Variants in SEC63 observed in about 807,000 individuals in gnomAD.
SEC63 encodes translocation protein SEC63 homolog.
In SEC63, 56 loss-of-function variants were observed where a neutral mutation model predicts 116.2. The ratio of observed to expected loss-of-function variants is 0.48; its 90% CI spans 0.39 to 0.60. SEC63 has a LOEUF of 0.60. Ranked by LOEUF, SEC63 falls within the 20% of genes least tolerant of loss-of-function variation. The pLI, the probability that SEC63 is intolerant of heterozygous loss-of-function variation, is 0.00. For synonymous variants in SEC63, 273 were observed against 294.6 expected, an observed-to-expected ratio of 0.93 and a Z score of 0.75; for missense variants, 668 against 900.0, an observed-to-expected ratio of 0.74 and a Z score of 3.30.
chr6:107,887,540 T>C (rs955096299), intron 16 of SEC63, among the ~76,000 whole-genome samples: 13 of 149,368 alleles, frequency 8.7e-5, no homozygotes, highest in South Asian at 4.3e-4. Flanking sequence ...TAGGTGGGAA[T>C]TGAACAATGA....
At chr6:107,956,433 T>C (rs6938368) in intron 1 of SEC63, among the ~76,000 whole-genome samples, 148,797 of 152,326 alleles carry the variant, frequency 0.98, 72,713 homozygotes, top group African/African-American at 0.99. Flanking sequence ...TTATACACAA[T>C]CACTGCCCAA....
intron 1 of SEC63, among the ~76,000 whole-genome samples, chr6:107,942,734 C>A (rs2744214): frequency 0.98 from 148,755 of 152,296 alleles, 72,689 homozygotes; most frequent in African/African-American, 0.99. Context: ...GGATAACATA[C>A]ACAGTTGATT....
intron 16 of SEC63, among the ~76,000 whole-genome samples, chr6:107,891,866 G>T (rs1479189214): frequency 6.6e-6 from 1 of 152,214 alleles, no homozygotes; most frequent in Non-Finnish European, 1.5e-5. Flanking sequence ...GACCCTCTTT[G>T]CCTGGGTATC....
At chr6:107,925,427 C>G (rs751195928) in intron 2 of SEC63, among the ~76,000 whole-genome samples, 1 of 152,030 alleles carries the variant, frequency 6.6e-6, no homozygotes, top group Non-Finnish European at 1.5e-5. Context: ...ATTAAATAAA[C>G]TATTTACAAA....
chr6:107,888,134 T>G (rs1223432410), intron 16 of SEC63, among the ~76,000 whole-genome samples: 1 of 152,224 alleles, frequency 6.6e-6, no homozygotes, highest in African/African-American at 2.4e-5. Flanking sequence ...GTGAAGAAAG[T>G]CAATGGTAGC....
At position 107,870,210 on chromosome 6, in the gene SEC63, T is replaced by G. The variant is rs1383904919; in HGVS notation, c.*1494A>C. The G allele has an allele frequency of 6.5e-6, 1 of 152,922 alleles. No individual in the cohort carries two copies. Among genetic ancestry groups the G allele is most frequent in the Non-Finnish European group, 1.5e-5 (1 of 68,026 alleles). The allele number at this position is 152,922 out of a possible 1,614,324, so 9.5% of individuals were successfully genotyped here. A position where few individuals can be genotyped will look rare whatever the true frequency, so the allele number is the denominator to read the frequency against. On this transcript the variant is annotated 3_prime_UTR_variant, in exon 21 of 21. Transcript: ENST00000369002. The stretch of plus-strand genomic sequence containing the variant: ...CTGCCTCCTGCCTGCCAAGAAAGGC[T>G]CTCACTAAACTGGTGATTGAGGTTA...
intron 1 of SEC63, among the ~76,000 whole-genome samples, chr6:107,948,986 A>G (rs548619484): frequency 5.9e-5 from 9 of 152,206 alleles, no homozygotes; most frequent in Non-Finnish European, 1.3e-4. Context: ...GGTTCGCCCC[A>G]TGTTCACATT....
chr6:107,880,941 A>C, intron 18 of SEC63: 1 of 507,640 alleles, frequency 2.0e-6, no homozygotes, highest in South Asian at 2.3e-5. Context: ...AGAAATACTT[A>C]AGAAGCTAAC....
chr6:107,897,395 T>C (rs1408946019), intron 14 of SEC63, among the ~76,000 whole-genome samples: 1 of 152,236 alleles, frequency 6.6e-6, no homozygotes, highest in Non-Finnish European at 1.5e-5. Context: ...GCTCAAGAAC[T>C]ATATCCACAT....
intron 16 of SEC63, among the ~76,000 whole-genome samples, chr6:107,892,237 G>GA (rs1200306568): frequency 6.6e-6 from 1 of 152,118 alleles, no homozygotes; most frequent in Admixed American, 6.6e-5. Flanking sequence ...TTTTTTCAGA[G>GA]ATGCCCTGCC....
chr6:107,867,952 C>A lies in SEC63; in HGVS notation c.*3752G>T, dbSNP rs974074062. On this transcript the variant is annotated 3_prime_UTR_variant, in exon 21 of 21. Coordinates refer to ENST00000369002, the MANE Select transcript of SEC63 (RefSeq NM_007214.5). ...ATACACCCCCACCTGAAACAATAGC[C>A]CTAAAGTATGTCAATGATTGTTATT... The A allele has an allele frequency of 4.6e-5, 7 of 152,028 alleles. No homozygotes were observed. The highest frequency in any genetic ancestry group is 1.7e-4 in the African/African-American group (7 of 41,388). The allele number at this position is 152,028 out of a possible 1,614,324, so 9.4% of individuals were successfully genotyped here. A position where few individuals can be genotyped will look rare whatever the true frequency, so the allele number is the denominator to read the frequency against.
At chr6:107,912,128 T>C (rs1348428068) in intron 6 of SEC63, among the ~76,000 whole-genome samples, 1 of 152,196 alleles carries the variant, frequency 6.6e-6, no homozygotes, top group Non-Finnish European at 1.5e-5. Flanking sequence ...TTTTATTGCC[T>C]CAAAGACAGC....
At chr6:107,891,147 T>C (rs1248982946) in intron 16 of SEC63, among the ~76,000 whole-genome samples, 1 of 152,204 alleles carries the variant, frequency 6.6e-6, no homozygotes, top group Non-Finnish European at 1.5e-5. Context: ...CTGGATAATG[T>C]CCTGAAGAGT....
chr6:107,951,558 TC>T (rs1298168323), intron 1 of SEC63, among the ~76,000 whole-genome samples: 1 of 152,158 alleles, frequency 6.6e-6, no homozygotes, highest in Non-Finnish European at 1.5e-5. Flanking sequence ...GAAGCTCTCC[TC>T]CAAGCAGCAC....
chr6:107,878,220 G>A (rs2114398546), intron 18 of SEC63, among the ~76,000 whole-genome samples: 1 of 152,322 alleles, frequency 6.6e-6, no homozygotes, highest in South Asian at 2.1e-4. Flanking sequence ...AGAAACCTGG[G>A]TTATTTCACT....
rs1359515686 is a variant in SEC63 at position 107,942,868 on chromosome 6, TTA to T, written c.125-13356_125-13355del. On this transcript the variant is annotated intron_variant, in intron 1 of 20. Coordinates refer to ENST00000369002, the MANE Select transcript of SEC63 (RefSeq NM_007214.5). Reference sequence around the variant, plus strand: ...CAGTACTGTTATTAATACCTTAAGTTTATGTCACCTGTTTACAAGTTGCAGAC... The same window carrying T: ...CAGTACTGTTATTAATACCTTAAGTTTGTCACCTGTTTACAAGTTGCAGAC... Among the ~76,000 whole-genome samples, 36 of 152,290 alleles carry T rather than the reference TTA, an allele frequency of 2.4e-4. No individual in the cohort carries two copies. In the South Asian group the frequency reaches 7.3e-3, roughly 31 times the overall value.
intron 4 of SEC63, among the ~76,000 whole-genome samples, chr6:107,920,116 T>C (rs1787519403): frequency 1.3e-5 from 2 of 151,996 alleles, no homozygotes; most frequent in Non-Finnish European, 2.9e-5. Flanking sequence ...TTAAGGTATG[T>C]ACATTGTTTT....
At position 107,929,475 on chromosome 6, in the gene SEC63, C is replaced by T. The variant is rs749233203; in HGVS notation, c.164G>A (p.Arg55Lys). 8.7e-6 allele frequency: 14 copies of T among 1,600,098 alleles called. No homozygotes were observed. The East Asian group carries it at 2.9e-4, about 33-fold the overall frequency. ...RLKNIRKVYG[R>K]CMWYRLRLLK... is the part of the protein sequence containing the mutation. ...TAACCGTAAACGATACCACATACAC[C>T]TTCCATATACTTTTCTGATATTCTT... The change falls in exon 2 of 21, where the codon AGG becomes AAG. Residue 55 changes from arginine (R) to lysine (K), a missense_variant. By Grantham distance (26) the Arg-to-Lys change is conservative (BLOSUM62 2). Transcript: ENST00000369002.
At chr6:107,900,769 C>A (rs976214128) in intron 13 of SEC63, among the ~76,000 whole-genome samples, 10 of 152,202 alleles carry the variant, frequency 6.6e-5, no homozygotes, top group African/African-American at 2.4e-4. Context: ...GCTCAGACCA[C>A]CACCACAATG....
Sources: allele counts gnomAD v4.1 joint callset (sites outside exome capture counted in the v4.1 genomes callset), GRCh38; gene constraint gnomAD v4.1.1; transcripts MANE v1.5; gene names NCBI Gene and HGNC (gene_info 2026-07-23, HGNC 2026-07-21).